The following CCDC152 variants were observed in gnomAD, a reference collection of about 807,000 sequenced individuals.
CCDC152 encodes coiled-coil domain containing 152, also known as coiled-coil domain-containing protein 152.
CCDC152 carries 37 observed loss-of-function variants against 38.1 expected under a neutral mutation model. The observed-to-expected ratio is 0.97, with a 90% CI of 0.75 to 1.28. The LOEUF (loss-of-function observed/expected upper bound fraction) is 1.28, where lower values mean the gene tolerates loss of function less well. Ranked by LOEUF, CCDC152 falls within the 50% of genes most tolerant of loss-of-function variation. The pLI is 0.00. For synonymous variants in CCDC152, 83 were observed against 87.1 expected (o/e 0.95, Z 0.26); for missense variants, 259 against 292.1 (o/e 0.89, Z 0.83).
chr5:42,787,882 G>A (rs924030706), intron 6 of CCDC152, among the ~76,000 whole-genome samples: 2 of 152,112 alleles, frequency 1.3e-5, no homozygotes, highest in Non-Finnish European at 2.9e-5. Context: ...ATAGATGGTT[G>A]AGTCTTGCTT....
chr5:42,797,836 C>T (rs540355120), intron 7 of CCDC152, among the ~76,000 whole-genome samples: 1 of 152,040 alleles, frequency 6.6e-6, no homozygotes, highest in African/African-American at 2.4e-5. Flanking sequence ...AAGGCTGAGG[C>T]TCTAACTCTT....
chr5:42,767,064 T>A (rs1262499954), intron 3 of CCDC152, among the ~76,000 whole-genome samples: 1 of 152,122 alleles, frequency 6.6e-6, no homozygotes, highest in Non-Finnish European at 1.5e-5. Flanking sequence ...AAAATTATTT[T>A]TAAGAAATAC....
Position 42,801,591 on chromosome 5 carries a change from C to T in CCDC152, c.*1810C>T. 1 of 452,966 alleles carries T rather than the reference C, an allele frequency of 2.2e-6. No homozygotes were observed. The highest frequency in any genetic ancestry group is 3.8e-6 in the Non-Finnish European group (1 of 260,912). 28.1% of individuals were successfully genotyped at this position (452,966 alleles called of 1,614,324 possible). ...AAACTGGCAAAAGGAACTTGGATTGCAGGAAAGTCAAAGTAATATCAAATC... is the reference window on the plus strand; with the variant it reads ...AAACTGGCAAAAGGAACTTGGATTGTAGGAAAGTCAAAGTAATATCAAATC... On this transcript the variant is annotated 3_prime_UTR_variant, in exon 9 of 9. Coordinates refer to ENST00000361970, the MANE Select transcript of CCDC152 (RefSeq NM_001134848.2).
chr5:42,787,158 G>A (rs1014303102), intron 6 of CCDC152, among the ~76,000 whole-genome samples: 8 of 151,948 alleles, frequency 5.3e-5, no homozygotes, highest in Non-Finnish European at 1.0e-4. Flanking sequence ...ATGTCTATTA[G>A]GTTCATTTGG....
At position 42,779,481 on chromosome 5, in the gene CCDC152, A is replaced by T. The variant is rs1487160968; in HGVS notation, c.286A>T (p.Ser96Cys). ...AGGTGAAAATGAACAACTAAAAATA[A>T]GTGCTGATCTTATAAAAGAGAAGTT... ...LKGENEQLKI[S>C]ADLIKEKLKS... is the part of the protein sequence containing the mutation. The change falls in exon 5 of 9, where the codon AGT (serine) becomes TGT (cysteine). Residue 96 changes from serine to cysteine, a missense_variant. Physicochemically the swap from Ser to Cys is moderately radical, Grantham distance 112 (BLOSUM62 -1). Coordinates refer to ENST00000361970, the MANE Select transcript of CCDC152 (RefSeq NM_001134848.2). 1 of 1,517,486 alleles carries T rather than the reference A, an allele frequency of 6.6e-7. No individual in the cohort carries two copies. The highest frequency in any genetic ancestry group is 9.0e-7 in the Non-Finnish European group (1 of 1,116,492). 94.0% of individuals were successfully genotyped at this position (1,517,486 alleles called of 1,614,324 possible). A position where few individuals can be genotyped will look rare whatever the true frequency, so the allele number is the denominator to read the frequency against.
At chr5:42,774,571 C>T (rs1430163315) in intron 4 of CCDC152, among the ~76,000 whole-genome samples, 2 of 152,150 alleles carry the variant, frequency 1.3e-5, no homozygotes, top group Admixed American at 1.3e-4. Context: ...TCTAGCCATC[C>T]CATCTCACCA....
chr5:42,800,617 A>C lies in CCDC152; in HGVS notation c.*836A>C. 2 of 1,363,602 alleles carry C rather than the reference A, an allele frequency of 1.5e-6. No homozygotes were observed. The allele number at this position is 1,363,602 out of a possible 1,614,324, so 84.5% of individuals were successfully genotyped here. A position where few individuals can be genotyped will look rare whatever the true frequency, so the allele number is the denominator to read the frequency against. The stretch of plus-strand genomic sequence containing the variant: ...CAGTAGATTTCTCCATGTTTGCACA[A>C]ATCTAATTTCTATTTTTGGTTCACT... On this transcript the variant is annotated 3_prime_UTR_variant, in exon 9 of 9. Transcript: ENST00000361970.
At chr5:42,793,678 G>A (rs921856199) in intron 6 of CCDC152, among the ~76,000 whole-genome samples, 1 of 151,980 alleles carries the variant, frequency 6.6e-6, no homozygotes, top group African/African-American at 2.4e-5. Context: ...TTGCCATCTC[G>A]GCTCACTGCA....
intron 3 of CCDC152, among the ~76,000 whole-genome samples, 187 bp downstream of exon 3, chr5:42,762,735 T>A (rs1759569937): frequency 6.6e-6 from 1 of 152,170 alleles, no homozygotes; most frequent in Non-Finnish European, 1.5e-5. Context: ...TTACTCTACC[T>A]CACCAATGAA....
chr5:42,781,580 CAT>C (rs1759846869), intron 5 of CCDC152, among the ~76,000 whole-genome samples: 4 of 151,912 alleles, frequency 2.6e-5, no homozygotes, highest in African/African-American at 9.7e-5. Context: ...CACACACACA[CAT>C]ACACACACAC....
At chr5:42,764,926 C>CAATCAGA (rs1255099842) in intron 3 of CCDC152, among the ~76,000 whole-genome samples, 1 of 152,064 alleles carries the variant, frequency 6.6e-6, no homozygotes, top group African/African-American at 2.4e-5. Flanking sequence ...CTAGCTAGAG[C>CAATCAGA]AATCAGACAA....
chr5:42,783,280 T>A (rs1348514998), intron 5 of CCDC152, among the ~76,000 whole-genome samples, 194 bp from the exon 6 acceptor site: 2 of 152,076 alleles, frequency 1.3e-5, no homozygotes, highest in East Asian at 3.8e-4. Context: ...CTTGTAGATA[T>A]AACTTTTAAT....
At chr5:42,773,348 C>T (rs982585327) in intron 4 of CCDC152, among the ~76,000 whole-genome samples, 28 of 152,072 alleles carry the variant, frequency 1.8e-4, no homozygotes, top group African/African-American at 6.3e-4. Context: ...TCTTTATTTT[C>T]ATCTGAAAAT....
In CCDC152 at chr5:42,801,489, C is replaced by T. The variant is rs28919920; in HGVS notation, c.*1708C>T. On this transcript the variant is annotated 3_prime_UTR_variant, in exon 9 of 9. Coordinates refer to ENST00000361970, the MANE Select transcript of CCDC152 (RefSeq NM_001134848.2). ...ATGAGAAAGAGTCTGATGTTAGTCT[C>T]AACACCTAGACATTTTATTAAAGGC... 400 of 570,212 alleles carry T rather than the reference C, an allele frequency of 7.0e-4. 6 individuals carry two copies. In the East Asian group the frequency reaches 0.011, roughly 15 times the overall value. The allele number at this position is 570,212 out of a possible 1,614,324, so 35.3% of individuals were successfully genotyped here.
chr5:42,777,061 C>T (rs1759777018), intron 4 of CCDC152, among the ~76,000 whole-genome samples: 1 of 151,336 alleles, frequency 6.6e-6, no homozygotes, highest in Admixed American at 6.6e-5. Flanking sequence ...AAAAATAAAG[C>T]AGAAATTAAT....
chr5:42,770,923 A>G (rs1561273964), intron 4 of CCDC152, among the ~76,000 whole-genome samples: 1 of 152,042 alleles, frequency 6.6e-6, no homozygotes, highest in Non-Finnish European at 1.5e-5. Flanking sequence ...TCCTTTCCAG[A>G]TATTTTGTAA....
chr5:42,801,047 T>C lies in CCDC152; in HGVS notation c.*1266T>C, dbSNP rs1362945063. 6.2e-7 allele frequency: 1 copy of C among 1,614,262 alleles called. No homozygotes were observed. The highest frequency in any genetic ancestry group is 1.1e-5 in the South Asian group (1 of 91,086). ...TACATCTCTTTCGACAGAGCTTCTT[T>C]TGTAAATCTTGTAAATCTTCACTTG... On this transcript the variant is annotated 3_prime_UTR_variant, in exon 9 of 9. Transcript: ENST00000361970.
In CCDC152 at chr5:42,779,454, A is replaced by G; in HGVS notation, c.263-4A>G. 6.9e-7 allele frequency: 1 copy of G among 1,447,950 alleles called. No individual in the cohort carries two copies. The highest frequency in any genetic ancestry group is 1.4e-5 in the African/African-American group (1 of 70,786). 89.7% of individuals were successfully genotyped at this position (1,447,950 alleles called of 1,614,324 possible). ...TATGATGTTCTTTGATTATTCTTAC[A>G]CAGGTGAAAATGAACAACTAAAAAT... On this transcript the variant is annotated splice_region_variant and splice_polypyrimidine_tract_variant and intron_variant, in intron 4 of 8. Transcript: ENST00000361970.
chr5:42,775,912 C>T (rs1472353543), intron 4 of CCDC152, among the ~76,000 whole-genome samples: 1 of 125,306 alleles, frequency 8.0e-6, no homozygotes, highest in Non-Finnish European at 1.7e-5. Context: ...AGGACAATCA[C>T]TAAAAAAAAA....
Sources: allele counts gnomAD v4.1 joint callset (sites outside exome capture counted in the v4.1 genomes callset), GRCh38; gene constraint gnomAD v4.1.1; transcripts MANE v1.5; gene names NCBI Gene and HGNC (gene_info 2026-07-23, HGNC 2026-07-21).